Variants in ATP2B2 observed in about 807,000 individuals in gnomAD.
ATP2B2 encodes the protein plasma membrane calcium-transporting ATPase 2.
In ATP2B2, 15 loss-of-function variants were observed where a neutral mutation model predicts 120.0. That is an observed-to-expected ratio of 0.12 (90% confidence interval 0.08 to 0.19). The LOEUF (loss-of-function observed/expected upper bound fraction) is 0.19. Ranked by LOEUF, ATP2B2 falls within the 10% of genes least tolerant of loss-of-function variation. The pLI, the probability that ATP2B2 is intolerant of heterozygous loss-of-function variation, is 1.00. For missense variants in ATP2B2, 1,045 were observed against 1,719.8 expected (o/e 0.61, Z 6.94); for synonymous variants, 694 against 700.3 (o/e 0.99, Z 0.14).
At chr3:10,652,711 G>A (rs1295803531) in intron 1 of ATP2B2, among the ~76,000 whole-genome samples, 1 of 152,210 alleles carries the variant, frequency 6.6e-6, no homozygotes, top group Non-Finnish European at 1.5e-5. Context: ...CAACGCAAGT[G>A]TCCATCAGTG....
At chr3:10,445,842 C>T (rs1302027979) in intron 2 of ATP2B2, among the ~76,000 whole-genome samples, 3 of 152,180 alleles carry the variant, frequency 2.0e-5, no homozygotes, top group African/African-American at 7.2e-5. Context: ...GGAGCTGGCA[C>T]AGCCCAGACC....
At chr3:10,651,159 T>C (rs1015734396) in intron 1 of ATP2B2, among the ~76,000 whole-genome samples, 2 of 152,198 alleles carry the variant, frequency 1.3e-5, no homozygotes, top group Non-Finnish European at 2.9e-5. Context: ...GACTTTTGAG[T>C]TAATGCTGAA....
rs1419276447 is a variant in ATP2B2, at chr3:10,342,367, CT to C, written c.2917+384del. 9.2e-5 allele frequency among the ~76,000 whole-genome samples: 14 copies of C among 152,196 alleles called. No homozygotes were observed. The highest frequency in any genetic ancestry group is 9.2e-4 in the Admixed American group (14 of 15,286). On this transcript the variant is annotated intron_variant, in intron 19 of 22. Coordinates refer to ENST00000360273, the MANE Select transcript of ATP2B2 (RefSeq NM_001001331.4). The surrounding 1 kb of genome is among the most constrained non-coding windows in gnomAD (Gnocchi z 4.4). ...CCCCAGGAAGCCTTGCTGAGGGTCC[CT>C]TCCACGGGGCCAGGATAAGGTGCTG... is the stretch of plus-strand genomic sequence containing the variant.
At chr3:10,570,596 G>T (rs997626010) in intron 2 of ATP2B2, among the ~76,000 whole-genome samples, 10 of 152,192 alleles carry the variant, frequency 6.6e-5, no homozygotes, top group African/African-American at 2.2e-4. Context: ...TTAAGGCAGG[G>T]TTAAGAAGGT....
chr3:10,645,090 G>T (rs752620532), intron 1 of ATP2B2, among the ~76,000 whole-genome samples: 4 of 152,070 alleles, frequency 2.6e-5, no homozygotes, highest in Non-Finnish European at 5.9e-5. Context: ...TACGTATGTC[G>T]GGGTGGGTGG....
intron 2 of ATP2B2, among the ~76,000 whole-genome samples, chr3:10,443,546 C>T (rs771026900): frequency 1.7e-4 from 25 of 143,778 alleles, no homozygotes; most frequent in Non-Finnish European, 2.9e-4. Flanking sequence ...GATGTTAACC[C>T]GAAGCTGCCG....
At position 10,346,591 on chromosome 3, in the gene ATP2B2, G is replaced by A. The variant is rs1319185736; in HGVS notation, c.2405-454C>T. ...GGCTTGCTGAGGAGGCCTTGGCTTTGTCATTTGCCAGTGACCTCTGCCCCA... is the reference window on the plus strand; with the variant it reads ...GGCTTGCTGAGGAGGCCTTGGCTTTATCATTTGCCAGTGACCTCTGCCCCA... On this transcript the variant is annotated intron_variant, in intron 16 of 22. Transcript: ENST00000360273. This position sits in a 1 kb window ranked among gnomAD's most constrained non-coding sequence, Gnocchi z 4.1. Among the ~76,000 whole-genome samples, 6 of 152,236 alleles carry A rather than the reference G, an allele frequency of 3.9e-5. No individual in the cohort carries two copies. Among genetic ancestry groups the A allele is most frequent in the African/African-American group, 1.4e-4 (6 of 41,460 alleles).
At chr3:10,424,380 A>T (rs2063083539) in intron 2 of ATP2B2, among the ~76,000 whole-genome samples, 5 of 152,186 alleles carry the variant, frequency 3.3e-5, no homozygotes, top group Admixed American at 3.3e-4. Context: ...CAAAGCTGAC[A>T]ACTCTGCCAT....
Position 10,652,704 on chromosome 3 carries a change from C to T in ATP2B2, c.-459-32743G>A, listed in dbSNP as rs141997537. On this transcript the variant is annotated intron_variant, in intron 1 of 21. Transcript: ENST00000646379. ...CACAATAGCCAAAATATGGGAACAA[C>T]GCAAGTGTCCATCAGTGGATGAATG... Among the ~76,000 whole-genome samples the T allele has an allele frequency of 4.8e-4, 73 of 152,262 alleles. 1 individual carries two copies. Among genetic ancestry groups the T allele is most frequent in the Middle Eastern group, 6.8e-3 (2 of 294 alleles).
chr3:10,349,237 G>T (rs1398239857), intron 16 of ATP2B2, among the ~76,000 whole-genome samples: 1 of 152,222 alleles, frequency 6.6e-6, no homozygotes, highest in African/African-American at 2.4e-5. Context: ...AGGACTGCTT[G>T]AGGCCAGGAG....
chr3:10,707,326 G>A (rs1203133188), intron 1 of ATP2B2, among the ~76,000 whole-genome samples: 4 of 152,210 alleles, frequency 2.6e-5, no homozygotes, highest in Non-Finnish European at 5.9e-5. Flanking sequence ...AAAAGGTGAG[G>A]CTGGAGATGC....
At chr3:10,493,685 A>G (rs1292874105) in intron 1 of ATP2B2, among the ~76,000 whole-genome samples, 1 of 152,216 alleles carries the variant, frequency 6.6e-6, no homozygotes, top group Non-Finnish European at 1.5e-5. Context: ...CCCTTCATCT[A>G]TTCTACATGC....
intron 13 of ATP2B2, 123 bp from the exon 14 acceptor site, chr3:10,359,048 T>G: frequency 1.1e-6 from 1 of 934,736 alleles, no homozygotes; most frequent in Non-Finnish European, 1.6e-6. Context: ...GCCCATCTAG[T>G]TCATCCCCCA....
At chr3:10,628,738 C>T (rs747840708) in intron 1 of ATP2B2, among the ~76,000 whole-genome samples, 7 of 152,178 alleles carry the variant, frequency 4.6e-5, no homozygotes, top group Non-Finnish European at 7.3e-5. Context: ...GCAGTCACCA[C>T]GGTAGGGACT....
chr3:10,516,758 C>T (rs1375620609), intron 3 of ATP2B2, among the ~76,000 whole-genome samples: 1 of 152,246 alleles, frequency 6.6e-6, no homozygotes, highest in East Asian at 1.9e-4. Flanking sequence ...CGCCACGTGC[C>T]AGGTGCCGTG....
intron 3 of ATP2B2, among the ~76,000 whole-genome samples, chr3:10,408,707 G>C (rs1357786957): frequency 1.3e-5 from 2 of 152,086 alleles, no homozygotes; most frequent in African/African-American, 4.8e-5. Flanking sequence ...CTCTAAGATG[G>C]AACATCGCAG....
chr3:10,336,405 G>T, intron 22 of ATP2B2: 1 of 1,142,950 alleles, frequency 8.7e-7, no homozygotes, highest in Non-Finnish European at 1.2e-6. Context: ...CGGCAACAAC[G>T]ACAATGTCAC....
chr3:10,371,587 T>TA lies in ATP2B2; in HGVS notation c.1659+221dup, dbSNP rs577627219. Reference sequence around the variant, plus strand: ...GGAGTGGGGGTTCAACGACAGGATTTAAAAAGCATAATTAACAATAAAGGT... The same window carrying TA: ...GGAGTGGGGGTTCAACGACAGGATTTAAAAAAGCATAATTAACAATAAAGGT... On this transcript the variant is annotated intron_variant, in intron 12 of 22. Transcript: ENST00000360273. 1.5e-3 allele frequency among the ~76,000 whole-genome samples: 222 copies of TA among 152,346 alleles called. 6 individuals carry two copies. In the South Asian group the frequency reaches 0.035, roughly 24 times the overall value.
chr3:10,413,572 G>A (rs1441503321), intron 2 of ATP2B2, among the ~76,000 whole-genome samples: 2 of 152,184 alleles, frequency 1.3e-5, no homozygotes, highest in South Asian at 2.1e-4. Context: ...ATCTAAGTGC[G>A]TGGGAACACT....
Sources: gnomAD v4.1 joint callset for allele counts (sites outside exome capture counted in the v4.1 genomes callset) on GRCh38, gnomAD v4.1.1 for gene constraint, Gnocchi (gnomAD v3.1) non-coding constraint, MANE v1.5 for transcripts, NCBI Gene and HGNC (gene_info 2026-07-23, HGNC 2026-07-21) for gene names.